The following COX10 variants were observed in gnomAD, a reference collection of about 807,000 sequenced individuals.
COX10 encodes the protein cytochrome c oxidase assembly factor heme A:farnesyltransferase COX10.
A neutral mutation model predicts 37.3 loss-of-function variants in COX10; 27 were observed. That is an observed-to-expected ratio of 0.72 (90% CI 0.53 to 1.00). The LOEUF (loss-of-function observed/expected upper bound fraction) is 1.00. Among genes scored for constraint, COX10 ranks in the 50% least tolerant of loss-of-function variants. COX10 has a pLI of 0.00. For missense variants in COX10, 475 were observed against 563.2 expected (o/e 0.84, Z 1.59); for synonymous variants, 222 against 229.1 (o/e 0.97, Z 0.28).
At chr17:14,072,140 C>T (rs1175504450) in intron 1 of COX10, among the ~76,000 whole-genome samples, 1 of 152,152 alleles carries the variant, frequency 6.6e-6, no homozygotes, top group Non-Finnish European at 1.5e-5. Flanking sequence ...TGACATGTTT[C>T]AACGAAATGA....
At chr17:14,116,677 G>A (rs200384350) in intron 4 of COX10, among the ~76,000 whole-genome samples, 7 of 135,366 alleles carry the variant, frequency 5.2e-5, no homozygotes, top group Admixed American at 2.2e-4. Context: ...ACACACACAC[G>A]TGTTAGCTGT....
chr17:14,071,370 C>T (rs73979152), intron 1 of COX10, among the ~76,000 whole-genome samples: 10,343 of 152,208 alleles, frequency 0.068, 394 homozygotes, highest in Non-Finnish European at 0.074. Context: ...AGACAGCTTA[C>T]TCCCTGAAGC....
At chr17:14,096,496 T>G (rs1355058116) in intron 3 of COX10, among the ~76,000 whole-genome samples, 1 of 150,436 alleles carries the variant, frequency 6.6e-6, no homozygotes, top group Non-Finnish European at 1.5e-5. Flanking sequence ...CACCTCAGTC[T>G]CTCAAGTAGC....
intron 5 of COX10, among the ~76,000 whole-genome samples, chr17:14,187,094 C>T (rs1390999774): frequency 1.3e-5 from 2 of 151,536 alleles, no homozygotes; most frequent in African/African-American, 2.4e-5. Flanking sequence ...GATACAGGTT[C>T]TAGAAGATGG....
chr17:14,207,067 G>T lies in COX10; in HGVS notation c.1186G>T (p.Gly396Cys), dbSNP rs142336139. ...CATCAATGCGTACATCTCCTACCTC[G>T]GCTTCCGCTTCTACGTGGACGCAGA... ...LPINAYISYL[G>C]FRFYVDADRR... The change falls in exon 7 of 7, where the codon GGC (glycine) becomes TGC (cysteine). Residue 396 changes from glycine (G) to cysteine (C), a missense_variant. Physicochemically the swap from Gly to Cys is radical, Grantham distance 159. Around this residue, in one of 5 missense-constraint regions of COX10, gnomAD observed 160 missense variants for 180.6 expected, o/e 0.89. Coordinates refer to ENST00000261643, the MANE Select transcript of COX10 (RefSeq NM_001303.4). The T allele has an allele frequency of 6.2e-7, 1 of 1,614,012 alleles. No homozygotes were observed. The highest frequency in any genetic ancestry group is 1.1e-5 in the South Asian group (1 of 91,084).
chr17:14,100,158 C>T (rs1363481331), intron 3 of COX10, among the ~76,000 whole-genome samples: 2 of 152,326 alleles, frequency 1.3e-5, no homozygotes, highest in East Asian at 1.9e-4. Flanking sequence ...TGCACAGATA[C>T]TTCCACTTAT....
chr17:14,193,686 A>ACCTTCACAGAGC (rs1413402594), intron 6 of COX10, among the ~76,000 whole-genome samples: 5 of 146,004 alleles, frequency 3.4e-5, no homozygotes, highest in Non-Finnish European at 6.1e-5. Flanking sequence ...TTTATAGTTG[A>ACCTTCACAGAGC]CCTTCACAGA....
At chr17:14,121,669 C>A (rs9891527) in intron 4 of COX10, among the ~76,000 whole-genome samples, 1 of 152,022 alleles carries the variant, frequency 6.6e-6, no homozygotes, top group Admixed American at 6.6e-5. Context: ...TATTTCTACT[C>A]GCAAAACCTA....
chr17:14,196,783 G>T (rs879272137), intron 6 of COX10, among the ~76,000 whole-genome samples: 2 of 152,024 alleles, frequency 1.3e-5, no homozygotes, highest in Non-Finnish European at 2.9e-5. Flanking sequence ...CCCTAGACCT[G>T]CTCCCTCCCA....
At chr17:14,118,371 C>G (rs1916159050) in intron 4 of COX10, among the ~76,000 whole-genome samples, 1 of 152,030 alleles carries the variant, frequency 6.6e-6, no homozygotes, top group Non-Finnish European at 1.5e-5. Context: ...CAGTGCACTC[C>G]TTTTCCAAGA....
intron 5 of COX10, among the ~76,000 whole-genome samples, chr17:14,169,730 G>T (rs1905401196): frequency 6.6e-6 from 1 of 152,184 alleles, no homozygotes; most frequent in Non-Finnish European, 1.5e-5. Flanking sequence ...ACCTTAGAGT[G>T]CATATGTTAC....
chr17:14,096,335 A>G (rs534962607), intron 3 of COX10, among the ~76,000 whole-genome samples: 1 of 141,836 alleles, frequency 7.1e-6, no homozygotes, highest in East Asian at 2.1e-4. Context: ...TCTCATTGTG[A>G]TTGTTTCAAA....
chr17:14,121,203 G>A (rs778778342), intron 4 of COX10, among the ~76,000 whole-genome samples: 1 of 152,088 alleles, frequency 6.6e-6, no homozygotes, highest in Non-Finnish European at 1.5e-5. Flanking sequence ...TCTCACCCTT[G>A]ATATCAGGCT....
intron 5 of COX10, among the ~76,000 whole-genome samples, chr17:14,186,066 G>A (rs1469645554): frequency 6.6e-6 from 1 of 152,216 alleles, no homozygotes; most frequent in Non-Finnish European, 1.5e-5. Flanking sequence ...TAAAAATTAT[G>A]TGGTGGTGTG....
At chr17:14,160,704 G>C (rs1333655577) in intron 5 of COX10, among the ~76,000 whole-genome samples, 2 of 152,144 alleles carry the variant, frequency 1.3e-5, no homozygotes, top group Non-Finnish European at 2.9e-5. Flanking sequence ...TATGCAGTCA[G>C]ATTAATCTAT....
intron 4 of COX10, among the ~76,000 whole-genome samples, chr17:14,108,875 T>C (rs1915954602): frequency 1.3e-5 from 2 of 152,184 alleles, no homozygotes; most frequent in Admixed American, 6.5e-5. Flanking sequence ...CTATACAGTC[T>C]GCCTAGAGCA....
At chr17:14,189,453 A>G (rs1906135334) in intron 5 of COX10, among the ~76,000 whole-genome samples, 1 of 152,224 alleles carries the variant, frequency 6.6e-6, no homozygotes, top group Non-Finnish European at 1.5e-5. Context: ...CATTGTCCCC[A>G]TAAACTTCTT....
In COX10 at chr17:14,171,328, T is replaced by G. The variant is rs1905460320; in HGVS notation, c.695+11381T>G. Among the ~76,000 whole-genome samples the G allele has an allele frequency of 5.9e-5, 9 of 152,320 alleles. No homozygotes were observed. In the South Asian group the frequency reaches 1.7e-3, roughly 28 times the overall value. On this transcript the variant is annotated intron_variant, in intron 5 of 6. Coordinates refer to ENST00000261643, the MANE Select transcript of COX10 (RefSeq NM_001303.4). ...ACACGTGCATTAAAAGGACACTAAG[T>G]GTTGTCAAAGGTACATTTCACTCAA...
At chr17:14,086,773 T>C (rs1406179849) in intron 3 of COX10, among the ~76,000 whole-genome samples, 1 of 152,196 alleles carries the variant, frequency 6.6e-6, no homozygotes, top group Non-Finnish European at 1.5e-5. Flanking sequence ...TTGGTATATC[T>C]TCCTCATACT....
Sources: allele counts gnomAD v4.1 joint callset (sites outside exome capture counted in the v4.1 genomes callset), GRCh38; gene constraint gnomAD v4.1.1; regional missense constraint gnomAD v4.1.1; transcripts MANE v1.5; gene names NCBI Gene and HGNC (gene_info 2026-07-23, HGNC 2026-07-21).